Variants in MAN2B1 observed in about 807,000 individuals in gnomAD.
The protein encoded by MAN2B1 is mannosidase alpha class 2B member 1.
MAN2B1 carries 99 observed loss-of-function variants against 127.5 expected under a neutral mutation model. That is an observed-to-expected ratio of 0.78 (90% CI 0.66 to 0.92). The LOEUF (loss-of-function observed/expected upper bound fraction) is 0.92, where lower values mean the gene tolerates loss of function less well. Among genes scored for constraint, MAN2B1 ranks in the 40% least tolerant of loss-of-function variants. The pLI is 0.00. For missense variants in MAN2B1, 1,304 were observed against 1,384.8 expected, an observed-to-expected ratio of 0.94 and a Z score of 0.93; for synonymous variants, 573 against 568.8, an observed-to-expected ratio of 1.01 and a Z score of -0.11.
chr19:12,654,513 C>A (rs902251915), intron 14 of MAN2B1, among the ~76,000 whole-genome samples: 1 of 152,174 alleles, frequency 6.6e-6, no homozygotes, highest in Non-Finnish European at 1.5e-5. Flanking sequence ...TCCTCTGCTG[C>A]GGACCAGGGC....
chr19:12,646,542 C>T lies in MAN2B1; in HGVS notation c.*78G>A. The stretch of plus-strand genomic sequence containing the variant: ...CTTAGTAGTAGCGTTTTAATGGCAG[C>T]AGCCCCAAGAGGAGAGTCAGAGTCT... On this transcript the variant is annotated 3_prime_UTR_variant, in exon 24 of 24. Coordinates refer to ENST00000456935, the MANE Select transcript of MAN2B1 (RefSeq NM_000528.4). 3.6e-6 allele frequency: 4 copies of T among 1,107,350 alleles called. No homozygotes were observed. The highest frequency in any genetic ancestry group is 4.1e-6 in the Non-Finnish European group (3 of 723,240). 68.6% of individuals were successfully genotyped at this position (1,107,350 alleles called of 1,614,324 possible).
chr19:12,652,421 T>C lies in MAN2B1; in HGVS notation c.1870A>G (p.Met624Val). The C allele has an allele frequency of 6.2e-7, 1 of 1,614,080 alleles. No individual in the cohort carries two copies. Among genetic ancestry groups the C allele is most frequent in the Non-Finnish European group, 8.5e-7 (1 of 1,180,016 alleles). ...TGCTGATTCATGTTCATAATCTCCA[T>C]CAACAGCCCTGTGTCAGGATCAAAC... Reference protein sequence around the residue: ...ATFDPDTGLLMEIMNMNQQLL... With the variant: ...ATFDPDTGLLVEIMNMNQQLL... Residue 624 changes from methionine to valine, a missense_variant, in exon 15 of 24, where the codon ATG becomes GTG. Met to Val is a conservative substitution (Grantham distance 21, BLOSUM62 1). Transcript: ENST00000456935.
At chr19:12,665,675 C>T in intron 2 of MAN2B1, 28 bp downstream of exon 2, 1 of 1,604,220 alleles carries the variant, frequency 6.2e-7, no homozygotes, top group Admixed American at 1.7e-5. Context: ...ATGGGGATCC[C>T]AGGGACCAGT....
chr19:12,654,036 C>CT (rs1182038176), intron 14 of MAN2B1, among the ~76,000 whole-genome samples: 5 of 148,342 alleles, frequency 3.4e-5, no homozygotes, highest in Admixed American at 6.7e-5. Flanking sequence ...TTCTTTTTTT[C>CT]TTTTTTTTTC....
At position 12,664,969 on chromosome 19, in the gene MAN2B1, G is replaced by T. The variant is rs1331898652; in HGVS notation, c.453C>A (p.Ala151=). ...CATCGTTCATCACCCAGCCACCATT[G>T]GCGAACTCCAGGCGCCCTGTGCCAG... is the stretch of plus-strand genomic sequence containing the variant. ...DLVRQGRLEF[A]NGGWVMNDEA... The change falls in exon 4 of 24, where the codon GCC becomes GCA. Residue 151 remains alanine (A), a synonymous_variant. Transcript: ENST00000456935. 1 of 1,613,764 alleles carries T rather than the reference G, an allele frequency of 6.2e-7. No homozygotes were observed. Among genetic ancestry groups the T allele is most frequent in the Non-Finnish European group, 8.5e-7 (1 of 1,180,040 alleles).
chr19:12,655,677 T>C lies in MAN2B1; in HGVS notation c.1830+17A>G. ...TTTGTCACAGGAGCAGGAAAGGGGA[T>C]TGAAATGGGGTCTCACCTCATTTTC... On this transcript the variant is annotated intron_variant, in intron 14 of 23. Transcript: ENST00000456935. 1.2e-6 allele frequency: 2 copies of C among 1,604,134 alleles called. No individual in the cohort carries two copies. The highest frequency in any genetic ancestry group is 1.7e-6 in the Non-Finnish European group (2 of 1,173,902).
Position 12,649,976 on chromosome 19 carries a change from G to A in MAN2B1, c.2204C>T (p.Thr735Ile). 6.2e-7 allele frequency: 1 copy of A among 1,613,930 alleles called. No individual in the cohort carries two copies. Among genetic ancestry groups the A allele is most frequent in the South Asian group, 1.1e-5 (1 of 91,078 alleles). The change falls in exon 18 of 24, where the codon ACA becomes ATA. Residue 735 changes from threonine (T) to isoleucine (I), a missense_variant. Thr to Ile is a moderately conservative substitution (Grantham distance 89, BLOSUM62 -1). Transcript: ENST00000456935. ...GAAGCGTCCCTTTGTCTCCAGCGGT[G>A]TGTCAAAACGGCTGATGACCTCCTT... The part of the protein sequence containing the change: ...WGKEVISRFD[T>I]PLETKGRFYT...
intron 14 of MAN2B1, among the ~76,000 whole-genome samples, chr19:12,655,130 C>T (rs1443892018): frequency 2.0e-5 from 3 of 152,240 alleles, no homozygotes; most frequent in South Asian, 2.1e-4. Context: ...GTGATCCTCC[C>T]GCTTCAGCCT....
rs951925669 is a variant in MAN2B1 at position 12,658,000 on chromosome 19, C to A, written c.1309+63G>T. ...AAAAAAAGAAGAAACTCGAGGGGGG[C>A]GGCCTAGGGGTGGTTTCCAACTTCA... On this transcript the variant is annotated intron_variant, in intron 10 of 23. Coordinates refer to ENST00000456935, the MANE Select transcript of MAN2B1 (RefSeq NM_000528.4). The A allele has an allele frequency of 5.2e-6, 6 of 1,151,868 alleles. No homozygotes were observed. The Admixed American group carries it at 7.2e-5, about 14-fold the overall frequency. 71.4% of individuals were successfully genotyped at this position (1,151,868 alleles called of 1,614,324 possible).
chr19:12,657,326 T>G, intron 11 of MAN2B1, 120 bp downstream of exon 11: 1 of 875,712 alleles, frequency 1.1e-6, no homozygotes, highest in Non-Finnish European at 1.7e-6. Flanking sequence ...CACGAGCCCT[T>G]GTAGCCCCGC....
In MAN2B1 at chr19:12,646,683, C is replaced by T. The variant is rs148945108; in HGVS notation, c.2973G>A (p.Thr991=). The change falls in exon 24 of 24, where the codon ACG becomes ACA. Residue 991 remains threonine, a synonymous_variant. Coordinates refer to ENST00000456935, the MANE Select transcript of MAN2B1 (RefSeq NM_000528.4). Reference sequence around the variant, plus strand: ...AAGTGCGGATTTCCATGGGTTCCAGCGTGATGTTGGCCGGGTCCAGCTGGT... The same window carrying T: ...AAGTGCGGATTTCCATGGGTTCCAGTGTGATGTTGGCCGGGTCCAGCTGGT... ...TPYQLDPANI[T]LEPMEIRTFL... 310 of 1,614,068 alleles carry T rather than the reference C, an allele frequency of 1.9e-4. No individual in the cohort carries two copies. The highest frequency in any genetic ancestry group is 1.6e-4 in the Middle Eastern group (1 of 6,062).
In MAN2B1 at chr19:12,647,909, A is replaced by G. The variant is rs74181667; in HGVS notation, c.2664+266T>C. Among the ~76,000 whole-genome samples, 39,837 of 136,512 alleles carry G rather than the reference A, an allele frequency of 0.29. 6,466 individuals carry two copies. Among genetic ancestry groups the G allele is most frequent in the Non-Finnish European group, 0.39 (25,380 of 64,314 alleles). The allele number at this position is 136,512 out of a possible 152,430, so 89.6% of individuals were successfully genotyped here. On this transcript the variant is annotated intron_variant, in intron 21 of 23. Transcript: ENST00000456935. This position sits in a 1 kb window ranked among gnomAD's most constrained non-coding sequence, Gnocchi z 4.9. ...CAGGACAGAGCCTGGGGGCGGTGAG[A>G]GGGCGGGGCTAAAGTGAAATGGGCG...
rs2024029943 is a variant in MAN2B1 at position 12,658,518 on chromosome 19, G to C, written c.1027-8C>G. 1 of 1,613,734 alleles carries C rather than the reference G, an allele frequency of 6.2e-7. No individual in the cohort carries two copies. Among genetic ancestry groups the C allele is most frequent in the Non-Finnish European group, 8.5e-7 (1 of 1,179,880 alleles). ...ACTGCTTCCTTTTGCCTGCTGCTGG[G>C]GGAGGCGACGGAGTGAGCCCTCGGG... is the stretch of plus-strand genomic sequence containing the variant. On this transcript the variant is annotated splice_polypyrimidine_tract_variant and splice_region_variant and intron_variant, in intron 7 of 23. Coordinates refer to ENST00000456935, the MANE Select transcript of MAN2B1 (RefSeq NM_000528.4).
chr19:12,650,708 T>C (rs1287201466), intron 16 of MAN2B1, among the ~76,000 whole-genome samples: 3 of 149,626 alleles, frequency 2.0e-5, no homozygotes, highest in South Asian at 4.3e-4. Flanking sequence ...TTTGCTCTTG[T>C]TGCCCAGGAT....
chr19:12,665,818 C>T lies in MAN2B1; in HGVS notation c.160-13G>A. 1 of 1,603,364 alleles carries T rather than the reference C, an allele frequency of 6.2e-7. No homozygotes were observed. The highest frequency in any genetic ancestry group is 1.1e-5 in the South Asian group (1 of 90,892). ...CTGTGGGGCATGTCTGCACAGGGAC[C>T]CCAAACACACATACCTTGTCAATAA... is the stretch of plus-strand genomic sequence containing the variant. On this transcript the variant is annotated splice_polypyrimidine_tract_variant and intron_variant, in intron 1 of 23. Transcript: ENST00000456935.
At chr19:12,660,733 C>T (rs1011984419) in intron 7 of MAN2B1, among the ~76,000 whole-genome samples, 4 of 150,846 alleles carry the variant, frequency 2.7e-5, no homozygotes, top group Non-Finnish European at 4.4e-5. Flanking sequence ...TGATTATAGC[C>T]TGGTGAGACT....
In MAN2B1 at chr19:12,649,973, G is replaced by A. The variant is rs1270784757; in HGVS notation, c.2207C>T (p.Pro736Leu). ...GKEVISRFDT[P>L]LETKGRFYTD... is the part of the protein sequence containing the mutation. ...GTAGAAGCGTCCCTTTGTCTCCAGC[G>A]GTGTGTCAAAACGGCTGATGACCTC... is the stretch of plus-strand genomic sequence containing the variant. Residue 736 changes from proline (P) to leucine (L), a missense_variant, in exon 18 of 24, where the codon CCG (proline) becomes CTG (leucine). By Grantham distance (98) the Pro-to-Leu change is moderately conservative (BLOSUM62 -3). Coordinates refer to ENST00000456935, the MANE Select transcript of MAN2B1 (RefSeq NM_000528.4). The A allele has an allele frequency of 1.5e-5, 25 of 1,613,690 alleles. No individual in the cohort carries two copies. The highest frequency in any genetic ancestry group is 5.4e-5 in the African/African-American group (4 of 74,738).
At chr19:12,659,766 G>A (rs1352342676) in intron 7 of MAN2B1, among the ~76,000 whole-genome samples, 1 of 151,898 alleles carries the variant, frequency 6.6e-6, no homozygotes, top group African/African-American at 2.4e-5. Context: ...TTGCCATGAG[G>A]CAAGATCATG....
intron 14 of MAN2B1, among the ~76,000 whole-genome samples, chr19:12,652,908 C>T (rs1006031320): frequency 1.3e-5 from 2 of 150,594 alleles, no homozygotes; most frequent in Non-Finnish European, 2.9e-5. Context: ...AATCTCTGCT[C>T]ACTACAGCCT....
Sources: allele counts gnomAD v4.1 joint callset (sites outside exome capture counted in the v4.1 genomes callset), GRCh38; gene constraint gnomAD v4.1.1; non-coding constraint Gnocchi (gnomAD v3.1); transcripts MANE v1.5; gene names NCBI Gene and HGNC (gene_info 2026-07-23, HGNC 2026-07-21).